Variants in NPAS2 observed in about 807,000 individuals in gnomAD.
The protein encoded by NPAS2 is neuronal PAS domain protein 2.
In NPAS2, 23 loss-of-function variants were observed where a neutral mutation model predicts 107.5. The ratio of observed to expected loss-of-function variants is 0.21; its 90% confidence interval spans 0.15 to 0.30. The LOEUF (loss-of-function observed/expected upper bound fraction) is 0.30. Among genes scored for constraint, NPAS2 ranks in the 10% least tolerant of loss-of-function variants. NPAS2 has a pLI of 1.00. For synonymous variants in NPAS2, 403 were observed against 417.5 expected (o/e 0.97, Z 0.42); for missense variants, 756 against 1,043.3 (o/e 0.72, Z 3.79).
chr2:100,904,885 C>T, intron 2 of NPAS2, 99 bp downstream of exon 2: 1 of 819,108 alleles, frequency 1.2e-6, no homozygotes, highest in Non-Finnish European at 2.1e-6. Flanking sequence ...GGTGAGGCCA[C>T]CAGCAAGATA....
rs1426839090 is a variant in NPAS2, at chr2:100,996,789, T to A, written c.*1207T>A. The A allele has an allele frequency of 6.6e-6, 1 of 152,312 alleles. No individual in the cohort carries two copies. Among genetic ancestry groups the A allele is most frequent in the Non-Finnish European group, 1.5e-5 (1 of 68,052 alleles). The allele number at this position is 152,312 out of a possible 1,614,324, so 9.4% of individuals were successfully genotyped here. Reference sequence around the variant, plus strand: ...ATAAAAGTTTTCTTGTGTTTTTCTGTGAGTGAAAATTTTGTAATAAATTAA... The same window carrying A: ...ATAAAAGTTTTCTTGTGTTTTTCTGAGAGTGAAAATTTTGTAATAAATTAA... On this transcript the variant is annotated 3_prime_UTR_variant, in exon 21 of 21. Coordinates refer to ENST00000335681, the MANE Select transcript of NPAS2 (RefSeq NM_002518.4).
intron 7 of NPAS2, among the ~76,000 whole-genome samples, chr2:100,959,279 A>T (rs1194349075): frequency 2.8e-5 from 3 of 108,082 alleles, no homozygotes; most frequent in East Asian, 4.1e-4. Flanking sequence ...AAAAAAAAAA[A>T]ATTTTTTTGC....
chr2:100,824,307 T>G (rs1361855425), intron 1 of NPAS2, among the ~76,000 whole-genome samples: 1 of 152,196 alleles, frequency 6.6e-6, no homozygotes, highest in African/African-American at 2.4e-5. Context: ...GGAGCATGCT[T>G]ATCTCCACCC....
In NPAS2 at chr2:100,990,868, G is replaced by C; in HGVS notation, c.2107G>C (p.Val703Leu). Residue 703 changes from valine (V) to leucine (L), a missense_variant, in exon 19 of 21, where the codon GTC (valine) becomes CTC (leucine). Val to Leu is a conservative substitution (Grantham distance 32). This residue lies in a region of NPAS2 where 496 missense variants were observed against 594.4 expected (regional missense o/e 0.83). Transcript: ENST00000335681. ...GGAAGTCAGCAGGACGGGACGGCAAGTCAAGTACGTGGACCCTGGCGGGAG... is the reference window on the plus strand; with the variant it reads ...GGAAGTCAGCAGGACGGGACGGCAACTCAAGTACGTGGACCCTGGCGGGAG... The part of the protein sequence containing the change: ...PSEVSRTGRQ[V>L]KYAQSQTVFQ... 3.7e-6 allele frequency: 6 copies of C among 1,614,108 alleles called. No homozygotes were observed. Among genetic ancestry groups the C allele is most frequent in the Non-Finnish European group, 5.1e-6 (6 of 1,179,952 alleles).
rs190498800 is a variant in NPAS2, at chr2:100,867,597, T to C, written c.-22-37136T>C. ...TGTTTTTAGATTTCAGATGTGTTTC[T>C]TGAGAACAATGTTTGCTAGGTTTTA... On this transcript the variant is annotated intron_variant, in intron 1 of 20. Transcript: ENST00000335681. Among the ~76,000 whole-genome samples the C allele has an allele frequency of 3.9e-5, 6 of 152,340 alleles. No homozygotes were observed. In the East Asian group the frequency reaches 7.7e-4, roughly 20 times the overall value.
At chr2:100,892,034 A>G (rs140944952) in intron 1 of NPAS2, among the ~76,000 whole-genome samples, 1,535 of 152,162 alleles carry the variant, frequency 0.01, 29 homozygotes, top group African/African-American at 0.035. Context: ...CTAGGCATCT[A>G]TTGTCCACAC....
intron 3 of NPAS2, among the ~76,000 whole-genome samples, chr2:100,928,297 A>G (rs1230339690): frequency 6.6e-6 from 1 of 152,090 alleles, no homozygotes; most frequent in African/African-American, 2.4e-5. Context: ...AAATGGTTAT[A>G]TTTCCTAAAT....
chr2:100,948,499 A>T (rs879545657), intron 6 of NPAS2, 144 bp downstream of exon 6: 1 of 778,570 alleles, frequency 1.3e-6, no homozygotes, highest in Non-Finnish European at 1.9e-6. Flanking sequence ...CCTTAGAGGT[A>T]TATTTTAGGT....
At chr2:100,975,612 G>A (rs780086239) in intron 14 of NPAS2, 45 bp downstream of exon 14, 4 of 1,424,600 alleles carry the variant, frequency 2.8e-6, no homozygotes, top group South Asian at 1.2e-5. Flanking sequence ...ACGCTACAAT[G>A]TGGTGGGGGC....
At chr2:100,887,124 C>T (rs1472583852) in intron 1 of NPAS2, among the ~76,000 whole-genome samples, 4 of 152,208 alleles carry the variant, frequency 2.6e-5, no homozygotes, top group South Asian at 2.1e-4. Context: ...CCCTAGGAAG[C>T]AGGACTGGCC....
At chr2:100,847,106 G>A (rs979680817) in intron 1 of NPAS2, 3 of 152,156 alleles carry the variant, frequency 2.0e-5, no homozygotes, top group African/African-American at 7.2e-5. Flanking sequence ...ATTCTTTCCT[G>A]GAGTTTGATC....
intron 2 of NPAS2, among the ~76,000 whole-genome samples, chr2:100,922,538 G>A (rs368596090): frequency 1.3e-5 from 2 of 152,078 alleles, no homozygotes; most frequent in Admixed American, 6.5e-5. Context: ...AGCTGAGATC[G>A]CGTCACTGCA....
At chr2:100,848,046 A>G (rs1677893200) in intron 1 of NPAS2, among the ~76,000 whole-genome samples, 1 of 152,200 alleles carries the variant, frequency 6.6e-6, no homozygotes, top group African/African-American at 2.4e-5. Context: ...AGTGTTGACA[A>G]ATCTGGTATC....
At chr2:100,818,972 G>A (rs1043498336), upstream of NPAS2, among the ~76,000 whole-genome samples, 14 of 152,156 alleles carry the variant, frequency 9.2e-5, no homozygotes, top group African/African-American at 2.9e-4. Flanking sequence ...CACCGGCTCT[G>A]TCTTGGAGCC....
intron 1 of NPAS2, among the ~76,000 whole-genome samples, chr2:100,842,081 G>GCGCACACACACACACACACACACA: frequency 6.7e-6 from 1 of 148,796 alleles, no homozygotes; most frequent in Non-Finnish European, 1.5e-5. Context: ...GCATGTACGC[G>GCGCACACACACACACACACACACA]CACACACACA....
rs147045018 is a variant in NPAS2 at position 100,854,428 on chromosome 2, G to A, written c.-23+34014G>A. 3.4e-3 allele frequency among the ~76,000 whole-genome samples: 511 copies of A among 152,326 alleles called. 4 individuals are homozygous for A. Among genetic ancestry groups the A allele is most frequent in the African/African-American group, 0.012 (480 of 41,570 alleles). On this transcript the variant is annotated intron_variant, in intron 1 of 20. Transcript: ENST00000335681. ...CAGGGCCTCAGGGCATGGAACTAGGGTGTTTCTTTGCCTTTTCATGACCCC... is the reference window on the plus strand; with the variant it reads ...CAGGGCCTCAGGGCATGGAACTAGGATGTTTCTTTGCCTTTTCATGACCCC...
chr2:100,832,399 G>T (rs1238831458), intron 1 of NPAS2, among the ~76,000 whole-genome samples: 2 of 152,166 alleles, frequency 1.3e-5, no homozygotes, highest in Non-Finnish European at 2.9e-5. Context: ...CCTGGCAATT[G>T]TTGGCTCCTC....
intron 7 of NPAS2, among the ~76,000 whole-genome samples, chr2:100,950,533 T>C (rs538771618): frequency 1.3e-5 from 2 of 152,358 alleles, no homozygotes; most frequent in East Asian, 3.9e-4. Context: ...TGGCACCAAG[T>C]CCTCACATCT....
At chr2:100,844,485 G>A (rs13012930) in intron 1 of NPAS2, among the ~76,000 whole-genome samples, 27,684 of 152,136 alleles carry the variant, frequency 0.18, 2,733 homozygotes, top group Middle Eastern at 0.31. Flanking sequence ...GGAGGGGCCC[G>A]TGATTCTGAA....
Sources: gnomAD v4.1 joint callset for allele counts (sites outside exome capture counted in the v4.1 genomes callset) on GRCh38, gnomAD v4.1.1 for gene constraint, gnomAD v4.1.1 regional missense constraint, MANE v1.5 for transcripts, NCBI Gene and HGNC (gene_info 2026-07-23, HGNC 2026-07-21) for gene names.